The following RRM1 variants were observed in gnomAD, a reference collection of about 807,000 sequenced individuals.
RRM1 encodes ribonucleoside-diphosphate reductase large subunit.
In RRM1, 19 loss-of-function variants were observed where a neutral mutation model predicts 101.5. The ratio of observed to expected loss-of-function variants is 0.19; its 90% CI spans 0.13 to 0.27. The LOEUF (loss-of-function observed/expected upper bound fraction) is 0.27, where lower values mean the gene tolerates loss of function less well. Among genes scored for constraint, RRM1 ranks in the 10% least tolerant of loss-of-function variants. The pLI, the probability that RRM1 is intolerant of heterozygous loss-of-function variation, is 1.00. For missense variants in RRM1, 500 were observed against 962.9 expected, an observed-to-expected ratio of 0.52 and a Z score of 6.36; for synonymous variants, 298 against 323.4, an observed-to-expected ratio of 0.92 and a Z score of 0.84.
chr11:4,098,525 A>G (rs189881910), intron 1 of RRM1, among the ~76,000 whole-genome samples: 89 of 152,160 alleles, frequency 5.8e-4, no homozygotes, highest in African/African-American at 2.0e-3. Flanking sequence ...GTAGGCAGAC[A>G]TGGTTCCAGC....
chr11:4,110,583 C>T (rs1287212832), intron 5 of RRM1, among the ~76,000 whole-genome samples: 4 of 151,932 alleles, frequency 2.6e-5, no homozygotes, highest in East Asian at 2.0e-4. Context: ...GCCTGGGCCA[C>T]GTGGCGAAAT....
intron 9 of RRM1, 59 bp downstream of exon 9, chr11:4,119,987 C>A: frequency 1.0e-6 from 1 of 975,862 alleles, no homozygotes; most frequent in Non-Finnish European, 1.6e-6. Flanking sequence ...TAGTCATATA[C>A]ACTTAAGATG....
At chr11:4,115,123 T>C (rs1448974023) in intron 7 of RRM1, among the ~76,000 whole-genome samples, 3 of 152,310 alleles carry the variant, frequency 2.0e-5, no homozygotes, top group East Asian at 3.9e-4. Context: ...AGTTAAAATA[T>C]AGATTCAAAG....
rs2094602047 is a variant in RRM1 at position 4,132,452 on chromosome 11, G to C, written c.1905+31G>C. ...CAGTTCACAACCAGCCTTACAGGGAGATCTTTCAAAAGCCTGATGTTGGGA... is the reference window on the plus strand; with the variant it reads ...CAGTTCACAACCAGCCTTACAGGGACATCTTTCAAAAGCCTGATGTTGGGA... On this transcript the variant is annotated intron_variant, in intron 16 of 18. Coordinates refer to ENST00000300738, the MANE Select transcript of RRM1 (RefSeq NM_001033.5). The surrounding 1 kb of genome is among the most constrained non-coding windows in gnomAD (Gnocchi z 4.1). 1.1e-5 allele frequency: 17 copies of C among 1,610,340 alleles called. No individual in the cohort carries two copies. Among genetic ancestry groups the C allele is most frequent in the Non-Finnish European group, 1.3e-5 (15 of 1,177,828 alleles).
intron 2 of RRM1, among the ~76,000 whole-genome samples, chr11:4,103,069 T>C (rs952940408): frequency 7.2e-5 from 11 of 152,190 alleles, no homozygotes; most frequent in Non-Finnish European, 1.6e-4. Flanking sequence ...ACTGCTAAGG[T>C]ATCTTAGGTA....
At chr11:4,125,473 G>A (rs1350274390) in intron 12 of RRM1, among the ~76,000 whole-genome samples, 3 of 152,040 alleles carry the variant, frequency 2.0e-5, no homozygotes, top group African/African-American at 4.8e-5. Context: ...TTCTTACAGT[G>A]CCCTACAAGG....
chr11:4,100,347 C>T (rs1317975184), intron 1 of RRM1, among the ~76,000 whole-genome samples: 2 of 152,036 alleles, frequency 1.3e-5, no homozygotes, highest in African/African-American at 4.8e-5. Flanking sequence ...GTTGAGTATC[C>T]CTTATTCAAA....
chr11:4,135,520 T>C (rs1049627670), intron 18 of RRM1, among the ~76,000 whole-genome samples: 1 of 151,138 alleles, frequency 6.6e-6, no homozygotes, highest in African/African-American at 2.5e-5. Flanking sequence ...TTTCCTTCCT[T>C]TACTGTCCGT....
rs1044027378 is a variant in RRM1 at position 4,111,744 on chromosome 11, T to G, written c.487+104T>G. 17 of 1,249,662 alleles carry G rather than the reference T, an allele frequency of 1.4e-5. No homozygotes were observed. The Admixed American group carries it at 3.7e-4, about 27-fold the overall frequency. 77.4% of individuals were successfully genotyped at this position (1,249,662 alleles called of 1,614,324 possible). On this transcript the variant is annotated intron_variant, in intron 6 of 18. Coordinates refer to ENST00000300738, the MANE Select transcript of RRM1 (RefSeq NM_001033.5). The stretch of plus-strand genomic sequence containing the variant: ...ATTCTTGCTTAGACTCTAGATAACA[T>G]TTTGGACTTTAGGTTTAGTTTGTGG...
intron 15 of RRM1, among the ~76,000 whole-genome samples, chr11:4,130,086 A>ATATATATATATTTTTT (rs1202870487): frequency 2.4e-4 from 24 of 99,440 alleles, no homozygotes; most frequent in African/African-American, 1.1e-3. Context: ...ATATATATAT[A>ATATATATATATTTTTT]TTTTTTTTTT....
intron 1 of RRM1, among the ~76,000 whole-genome samples, chr11:4,098,866 T>G (rs1023553247): frequency 6.6e-6 from 1 of 152,236 alleles, no homozygotes; most frequent in African/African-American, 2.4e-5. Flanking sequence ...GATCATGTGA[T>G]AAAGATGAAT....
In RRM1 at chr11:4,109,718, T is replaced by C. The variant is rs183107334; in HGVS notation, c.447+15T>C. 1.9e-6 allele frequency: 3 copies of C among 1,576,158 alleles called. No individual in the cohort carries two copies. In the East Asian group the frequency reaches 6.8e-5, roughly 35 times the overall value. On this transcript the variant is annotated intron_variant, in intron 5 of 18. Transcript: ENST00000300738. ...TCGGCTTTAAGGTAAATAATGGGTT[T>C]CAAGTATGTGGGAATTTATACTTAA...
chr11:4,121,475 A>G, intron 9 of RRM1, 129 bp from the exon 10 acceptor site: 1 of 548,254 alleles, frequency 1.8e-6, no homozygotes, highest in Non-Finnish European at 2.9e-6. Context: ...CTTTTATAAT[A>G]CTTTTATTTA....
At chr11:4,114,692 G>A (rs917244586) in intron 7 of RRM1, among the ~76,000 whole-genome samples, 2 of 151,938 alleles carry the variant, frequency 1.3e-5, no homozygotes, top group African/African-American at 2.4e-5. Context: ...GACCACTGTC[G>A]TATGTGTAGT....
At chr11:4,112,520 C>T (rs912830491) in intron 7 of RRM1, among the ~76,000 whole-genome samples, 1 of 152,122 alleles carries the variant, frequency 6.6e-6, no homozygotes, top group East Asian at 1.9e-4. Flanking sequence ...CCCGCCACCA[C>T]ACCCAGCCAA....
chr11:4,116,986 G>T (rs955263682), intron 7 of RRM1, among the ~76,000 whole-genome samples: 1 of 150,996 alleles, frequency 6.6e-6, no homozygotes, highest in Non-Finnish European at 1.5e-5. Context: ...GAAAAGAAAA[G>T]AAAAGAAAAA....
chr11:4,094,819 G>T lies in RRM1; in HGVS notation c.-194G>T. The T allele has an allele frequency of 1.6e-6, 1 of 613,874 alleles. No individual in the cohort carries two copies. Among genetic ancestry groups the T allele is most frequent in the Non-Finnish European group, 2.9e-6 (1 of 343,028 alleles). The allele number at this position is 613,874 out of a possible 1,614,324, so 38.0% of individuals were successfully genotyped here. A position where few individuals can be genotyped will look rare whatever the true frequency, so the allele number is the denominator to read the frequency against. ...CGCGCCCCTTTGTGCGTCACGGGTG[G>T]CGGGCGCGGGAAGGGGATTTGGATT... On this transcript the variant is annotated 5_prime_UTR_variant, in exon 1 of 19. Coordinates refer to ENST00000300738, the MANE Select transcript of RRM1 (RefSeq NM_001033.5).
chr11:4,101,559 A>C (rs189163), intron 1 of RRM1, among the ~76,000 whole-genome samples: 91,261 of 104,124 alleles, frequency 0.88, 41,582 homozygotes, highest in Non-Finnish European at 0.94. Flanking sequence ...AGTGATCCAC[A>C]CCCCCCCCCG....
At position 4,132,319 on chromosome 11, in the gene RRM1, G is replaced by A. The variant is rs1565190354; in HGVS notation, c.1803G>A (p.Pro601=). The A allele has an allele frequency of 3.7e-6, 6 of 1,613,934 alleles. No individual in the cohort carries two copies. Among genetic ancestry groups the A allele is most frequent in the Non-Finnish European group, 2.5e-6 (3 of 1,179,968 alleles). ...TAAGAAACAGTTTACTTATTGCCCCGATGCCTACAGCTTCCACTGCTCAGA... is the reference window on the plus strand; with the variant it reads ...TAAGAAACAGTTTACTTATTGCCCCAATGCCTACAGCTTCCACTGCTCAGA... The part of the protein sequence containing the change: ...YGIRNSLLIA[P]MPTASTAQIL... Residue 601 remains proline (P), a synonymous_variant, in exon 16 of 19, where the codon CCG becomes CCA. Transcript: ENST00000300738. The surrounding 1 kb of genome is among the most constrained non-coding windows in gnomAD (Gnocchi z 4.1).
Sources: gnomAD v4.1 joint callset for allele counts (sites outside exome capture counted in the v4.1 genomes callset) on GRCh38, gnomAD v4.1.1 for gene constraint, Gnocchi (gnomAD v3.1) non-coding constraint, MANE v1.5 for transcripts, NCBI Gene and HGNC (gene_info 2026-07-23, HGNC 2026-07-21) for gene names.